Variants in MPP7 observed in about 807,000 individuals in gnomAD.
MPP7 encodes the protein MAGUK p55 subfamily member 7.
A neutral mutation model predicts 76.5 loss-of-function variants in MPP7; 60 were observed. The observed-to-expected ratio is 0.78, with a 90% confidence interval of 0.64 to 0.97. The LOEUF (loss-of-function observed/expected upper bound fraction) is 0.97, where lower values mean the gene tolerates loss of function less well. Ranked by LOEUF, MPP7 falls within the 50% of genes least tolerant of loss-of-function variation. The pLI is 0.00. For missense variants in MPP7, 641 were observed against 694.0 expected (o/e 0.92, Z 0.86); for synonymous variants, 237 against 244.5 (o/e 0.97, Z 0.29).
At chr10:28,289,822 AT>A (rs1440486251) in intron 1 of MPP7, among the ~76,000 whole-genome samples, 1 of 151,928 alleles carries the variant, frequency 6.6e-6, no homozygotes, top group Non-Finnish European at 1.5e-5. Context: ...CATTGATTTT[AT>A]TTTTTTCCTC....
intron 1 of MPP7, among the ~76,000 whole-genome samples, chr10:28,246,115 A>C (rs550162865): frequency 6.6e-6 from 1 of 152,278 alleles, no homozygotes; most frequent in South Asian, 2.1e-4. Context: ...AGCTTAAGAA[A>C]CTGAATTGGA....
In MPP7 at chr10:28,150,000, C is replaced by T. The variant is rs763646057; in HGVS notation, c.216G>A (p.Ala72=). The T allele has an allele frequency of 6.8e-6, 11 of 1,613,516 alleles. No individual in the cohort carries two copies. Among genetic ancestry groups the T allele is most frequent in the Non-Finnish European group, 7.6e-6 (9 of 1,179,842 alleles). The change falls in exon 4 of 17, where the codon GCG becomes GCA. Residue 72 remains alanine, a synonymous_variant. Coordinates refer to ENST00000683449, the MANE Select transcript of MPP7 (RefSeq NM_001318170.2). The stretch of plus-strand genomic sequence containing the variant: ...CACTTACATCATCGGCCAAGGCCGC[C>T]GCACCATGGAGAATGGGCACCGGAC... ...KQSPVPILHG[A]AALADDLAEE... is the part of the protein sequence containing the mutation.
At chr10:28,156,976 G>T (rs920702029) in intron 3 of MPP7, among the ~76,000 whole-genome samples, 2 of 152,092 alleles carry the variant, frequency 1.3e-5, no homozygotes, top group African/African-American at 2.4e-5. Flanking sequence ...TTGGGAGGCC[G>T]AGGCAAGAGG....
At chr10:28,196,158 T>A (rs1837574654) in intron 3 of MPP7, among the ~76,000 whole-genome samples, 1 of 152,140 alleles carries the variant, frequency 6.6e-6, no homozygotes, top group Non-Finnish European at 1.5e-5. Context: ...TTCTGTCCAA[T>A]CCAGAACATA....
chr10:28,054,069 G>A lies in MPP7; in HGVS notation c.1727C>T (p.Ser576Leu). ...AATTATGGAAATTTCTCTTAGTTAT[G>A]AATGTAACCAGCTCACTGGCACCCA... ...THWVPVSWLH[S>L] The change falls in exon 17 of 17, where the codon TCA (serine) becomes TTA (leucine). Residue 576 changes from serine to leucine, a missense_variant. Physicochemically the swap from Ser to Leu is moderately radical, Grantham distance 145. Transcript: ENST00000683449. The A allele has an allele frequency of 6.2e-7, 1 of 1,611,220 alleles. No individual in the cohort carries two copies. Among genetic ancestry groups the A allele is most frequent in the African/African-American group, 1.3e-5 (1 of 74,782 alleles).
intron 5 of MPP7, among the ~76,000 whole-genome samples, chr10:28,133,675 CAAAT>C (rs1238232562): frequency 2.0e-5 from 3 of 151,918 alleles, no homozygotes; most frequent in Non-Finnish European, 4.4e-5. Flanking sequence ...TGAATATGCC[CAAAT>C]AAACACCCCG....
chr10:28,222,336 G>A (rs556634915), intron 2 of MPP7, among the ~76,000 whole-genome samples: 4 of 151,856 alleles, frequency 2.6e-5, no homozygotes, highest in Admixed American at 1.3e-4. Flanking sequence ...CCATCTCTAC[G>A]AAAATAAGAA....
chr10:28,133,686 C>T lies in MPP7; in HGVS notation c.316-1995G>A, dbSNP rs1835264661. 2.0e-5 allele frequency among the ~76,000 whole-genome samples: 3 copies of T among 151,766 alleles called. No individual in the cohort carries two copies. The East Asian group carries it at 5.8e-4, about 29-fold the overall frequency. On this transcript the variant is annotated intron_variant, in intron 5 of 16. Transcript: ENST00000683449. ...AAAATGAATATGCCCAAATAAACAC[C>T]CCGAAAACAAGAAATACAACATTAA...
At chr10:28,328,115 C>A (rs1834435585) in intron 2 of MPP7, among the ~76,000 whole-genome samples, 1 of 151,956 alleles carries the variant, frequency 6.6e-6, no homozygotes, top group Non-Finnish European at 1.5e-5. Context: ...ATAATACAGT[C>A]TTGGTACTTG....
intron 3 of MPP7, among the ~76,000 whole-genome samples, chr10:28,195,063 G>C (rs1416649352): frequency 3.5e-4 from 54 of 152,164 alleles, no homozygotes; most frequent in Admixed American, 3.5e-3. Flanking sequence ...AATCCAATGG[G>C]AGAAATGATG....
chr10:28,245,057 T>C (rs1022740943), intron 1 of MPP7, among the ~76,000 whole-genome samples: 1 of 152,150 alleles, frequency 6.6e-6, no homozygotes, highest in Non-Finnish European at 1.5e-5. Flanking sequence ...TGACTGCCTT[T>C]CCATTGCATT....
intron 13 of MPP7, among the ~76,000 whole-genome samples, chr10:28,064,019 C>G (rs905582129): frequency 1.3e-5 from 2 of 152,174 alleles, no homozygotes; most frequent in Non-Finnish European, 2.9e-5. Context: ...CCACTTTGGA[C>G]ATCAGTTTAG....
intron 1 of MPP7, among the ~76,000 whole-genome samples, chr10:28,253,562 C>G (rs1055728843): frequency 7.2e-5 from 11 of 152,168 alleles, no homozygotes; most frequent in African/African-American, 2.7e-4. Context: ...ACAGTGTTTA[C>G]TAATATATTT....
intron 1 of MPP7, among the ~76,000 whole-genome samples, chr10:28,280,661 T>C (rs904410797): frequency 9.9e-5 from 15 of 152,088 alleles, no homozygotes; most frequent in African/African-American, 2.7e-4. Flanking sequence ...GATTAATAAA[T>C]AGCAACAGAG....
At chr10:28,161,376 A>T (rs970251647) in intron 3 of MPP7, among the ~76,000 whole-genome samples, 1 of 147,600 alleles carries the variant, frequency 6.8e-6, no homozygotes, top group Non-Finnish European at 1.5e-5. Flanking sequence ...TATATAATAC[A>T]CTGCTTCCAT....
intron 2 of MPP7, among the ~76,000 whole-genome samples, chr10:28,218,562 G>A (rs1427081907): frequency 6.6e-6 from 1 of 152,022 alleles, no homozygotes; most frequent in Non-Finnish European, 1.5e-5. Context: ...TTAGTCACAG[G>A]CCACGAAGAC....
At chr10:28,091,478 G>A (rs1040805915) in intron 11 of MPP7, among the ~76,000 whole-genome samples, 1 of 152,008 alleles carries the variant, frequency 6.6e-6, no homozygotes, top group Non-Finnish European at 1.5e-5. Flanking sequence ...AGTAGAGACG[G>A]GGTTTCACCA....
intron 11 of MPP7, among the ~76,000 whole-genome samples, chr10:28,095,505 G>A (rs752403170): frequency 7.9e-5 from 12 of 152,086 alleles, no homozygotes; most frequent in Non-Finnish European, 1.6e-4. Context: ...TCCAATTTCA[G>A]TAAAATAATG....
intron 13 of MPP7, among the ~76,000 whole-genome samples, chr10:28,066,706 G>T (rs1852000900): frequency 6.6e-6 from 1 of 152,132 alleles, no homozygotes; most frequent in Non-Finnish European, 1.5e-5. Context: ...AAATCCTTGA[G>T]ATTTCTAACA....
Sources: allele counts gnomAD v4.1 joint callset (sites outside exome capture counted in the v4.1 genomes callset), GRCh38; gene constraint gnomAD v4.1.1; transcripts MANE v1.5; gene names NCBI Gene and HGNC (gene_info 2026-07-23, HGNC 2026-07-21).